BRME1: variants seen among roughly 807,000 people sequenced by gnomAD.
BRME1 encodes the protein break repair meiotic recombinase recruitment factor 1, also known as BRCA2 and MEILB2-associating protein 1.
A neutral mutation model predicts 52.6 loss-of-function variants in BRME1; 31 were observed. The ratio of observed to expected loss-of-function variants is 0.59; its 90% CI spans 0.44 to 0.80. The LOEUF (loss-of-function observed/expected upper bound fraction) is 0.80, where lower values mean the gene tolerates loss of function less well. Among genes scored for constraint, BRME1 ranks in the 30% least tolerant of loss-of-function variants. BRME1 has a pLI of 0.00. For missense variants in BRME1, 804 were observed against 860.3 expected (o/e 0.93, Z 0.82); for synonymous variants, 359 against 353.6 (o/e 1.02, Z -0.17).
At chr19:13,904,578 A>G (rs2145253165) in intron 2 of BRME1, among the ~76,000 whole-genome samples, 1 of 151,958 alleles carries the variant, frequency 6.6e-6, no homozygotes, top group Non-Finnish European at 1.5e-5. Context: ...AGTAGGTGGG[A>G]CTACAGGCAT....
chr19:13,887,297 C>T (rs1568373779), intron 6 of BRME1, among the ~76,000 whole-genome samples: 1 of 152,230 alleles, frequency 6.6e-6, no homozygotes, highest in Non-Finnish European at 1.5e-5. Context: ...TGTTCCTTGC[C>T]TGGGTCGCCT....
chr19:13,885,569 G>C (rs921414484), intron 7 of BRME1: 13 of 169,466 alleles, frequency 7.7e-5, no homozygotes, highest in Non-Finnish European at 2.5e-5. Context: ...CCTGGTGCCA[G>C]AGCTAGGAAC....
At chr19:13,901,105 C>T (rs914758399) in intron 2 of BRME1, among the ~76,000 whole-genome samples, 2 of 151,936 alleles carry the variant, frequency 1.3e-5, no homozygotes, top group African/African-American at 4.8e-5. Context: ...CCCAAGTAGC[C>T]AGGACTACAG....
chr19:13,889,210 T>A lies in BRME1; in HGVS notation c.1646A>T (p.Asp549Val). The A allele has an allele frequency of 6.3e-7, 1 of 1,597,288 alleles. No individual in the cohort carries two copies. The highest frequency in any genetic ancestry group is 8.5e-7 in the Non-Finnish European group (1 of 1,170,744). ...CACCTGCTCAGGTGGGGCTTCGAAGTCAGAGGCGTCCAGGGCATCCTGTAT... is the reference window on the plus strand; with the variant it reads ...CACCTGCTCAGGTGGGGCTTCGAAGACAGAGGCGTCCAGGGCATCCTGTAT... Reference protein sequence around the residue: ...SQIQDALDASDFEAPPEQLFP... With the variant: ...SQIQDALDASVFEAPPEQLFP... Residue 549 changes from aspartate to valine, a missense_variant, in exon 6 of 9, where the codon GAC becomes GTC. By Grantham distance (152) the Asp-to-Val change is radical. This residue lies in a region of BRME1 where 552 missense variants were observed against 561.1 expected (regional missense o/e 0.98). Coordinates refer to ENST00000586783, the MANE Select transcript of BRME1 (RefSeq NM_001345843.2).
intron 3 of BRME1, among the ~76,000 whole-genome samples, chr19:13,894,665 A>G (rs1242465387): frequency 6.6e-6 from 1 of 152,082 alleles, no homozygotes; most frequent in Non-Finnish European, 1.5e-5. Flanking sequence ...CTCTTGCCTC[A>G]GCCTCCCAGT....
At chr19:13,905,042 T>C (rs1217219535) in intron 1 of BRME1, 129 bp from the exon 2 acceptor site, 1 of 696,114 alleles carries the variant, frequency 1.4e-6, no homozygotes, top group Admixed American at 2.3e-5. Flanking sequence ...AGGGGTCAGA[T>C]GGCTCCCACT....
chr19:13,882,689 C>G lies in BRME1; in HGVS notation c.*113G>C, dbSNP rs1968714436. ...TGTGTTGTCCATGGAAGACCAACTT[C>G]CGGGCAACTGAAGGGAGGTTTGTAG... On this transcript the variant is annotated 3_prime_UTR_variant, in exon 9 of 9. Coordinates refer to ENST00000586783, the MANE Select transcript of BRME1 (RefSeq NM_001345843.2). 4 of 1,421,494 alleles carry G rather than the reference C, an allele frequency of 2.8e-6. No homozygotes were observed. In the South Asian group the frequency reaches 3.8e-5, roughly 13 times the overall value. The allele number at this position is 1,421,494 out of a possible 1,614,324, so 88.1% of individuals were successfully genotyped here. A position where few individuals can be genotyped will look rare whatever the true frequency, so the allele number is the denominator to read the frequency against.
chr19:13,889,715 TG>T lies in BRME1; in HGVS notation c.1140del (p.His380GlnfsTer33), dbSNP rs1336884513. ...GAGGTGCAGCCTGGCAAGGCCCTCC[TG>T]TGGCCTCCATCAGCGGCCTTCCTCC... ...SPRRKAADGG[H>X]RRALPGCTSL... On this transcript the variant is annotated frameshift_variant, in exon 6 of 9. Transcript: ENST00000586783. LOFTEE classifies it high-confidence loss of function. 8.7e-6 allele frequency: 14 copies of T among 1,608,900 alleles called. No homozygotes were observed. In the Admixed American group the frequency reaches 2.2e-4, roughly 25 times the overall value.
At position 13,891,135 on chromosome 19, in the gene BRME1, T is replaced by TTTTTTTTTTTTATTATTATTA. The variant is rs59151567; in HGVS notation, c.394-674_394-673insTAATAATAATAAAAAAAAAAA. 4.9e-3 allele frequency among the ~76,000 whole-genome samples: 715 copies of TTTTTTTTTTTTATTATTATTA among 146,650 alleles called. 8 individuals carry two copies. The highest frequency in any genetic ancestry group is 0.017 in the African/African-American group (659 of 38,810). On this transcript the variant is annotated intron_variant, in intron 5 of 8. Coordinates refer to ENST00000586783, the MANE Select transcript of BRME1 (RefSeq NM_001345843.2). ...AGACCACACCAATGTCAATTTCCTG[T>TTTTTTTTTTTTATTATTATTA]TTATTATTATTATTATTATTATTAT... is the stretch of plus-strand genomic sequence containing the variant.
rs1245399212 is a variant in BRME1, at chr19:13,888,440, G to C, written c.1668+748C>G. ...TGGACAGAGAACTGCCTACCTCCCT[G>C]GGCGTGACTGTGATGCCCTCAGCCC... On this transcript the variant is annotated intron_variant, in intron 6 of 8. Coordinates refer to ENST00000586783, the MANE Select transcript of BRME1 (RefSeq NM_001345843.2). This position sits in a 1 kb window ranked among gnomAD's most constrained non-coding sequence, Gnocchi z 4.1. 6.6e-6 allele frequency: 1 copy of C among 152,228 alleles called. No individual in the cohort carries two copies. Among genetic ancestry groups the C allele is most frequent in the African/African-American group, 2.4e-5 (1 of 41,436 alleles). The allele number at this position is 152,228 out of a possible 1,614,324, so 9.4% of individuals were successfully genotyped here.
rs757296683 is a variant in BRME1 at position 13,889,749 on chromosome 19, G to A, written c.1107C>T (p.Ala369=). 32 of 1,609,816 alleles carry A rather than the reference G, an allele frequency of 2.0e-5. No individual in the cohort carries two copies. The highest frequency in any genetic ancestry group is 2.5e-5 in the Non-Finnish European group (30 of 1,178,890). Residue 369 remains alanine (A), a synonymous_variant, in exon 6 of 9, where the codon GCC becomes GCT. Coordinates refer to ENST00000586783, the MANE Select transcript of BRME1 (RefSeq NM_001345843.2). ...CATCAGCGGCCTTCCTCCTGGGAGA[G>A]GCAGGTGATATGGCACTGGCCTGCC... ...PDGQASAISP[A]SPRRKAADGG...
At position 13,892,790 on chromosome 19, in the gene BRME1, C is replaced by A. The variant is rs1484113992; in HGVS notation, c.389G>T (p.Ser130Ile). 8 of 1,613,502 alleles carry A rather than the reference C, an allele frequency of 5.0e-6. No homozygotes were observed. The highest frequency in any genetic ancestry group is 6.8e-6 in the Non-Finnish European group (8 of 1,179,558). The change falls in exon 5 of 9, where the codon AGC becomes ATC. Residue 130 changes from serine to isoleucine, a missense_variant. By Grantham distance (142) the Ser-to-Ile change is moderately radical (BLOSUM62 -2). Around this residue, in one of 3 missense-constraint regions of BRME1, gnomAD observed 234 missense variants for 258.1 expected, o/e 0.91. Coordinates refer to ENST00000586783, the MANE Select transcript of BRME1 (RefSeq NM_001345843.2). ...TGGCTGATTTTAGAGCCTTACCAGG[C>A]TAAAGGCCCCACTCCCACGGTCCTC... ...KDEDRGSGAF[S>I]LETIAESSAQ...
intron 6 of BRME1, among the ~76,000 whole-genome samples, chr19:13,887,979 C>T (rs528364493): frequency 1.3e-5 from 2 of 152,220 alleles, no homozygotes; most frequent in East Asian, 3.9e-4. Context: ...GGCTGGAGTG[C>T]AGTGGCGCGA....
At chr19:13,884,394 G>A (rs1968849362) in intron 7 of BRME1, among the ~76,000 whole-genome samples, 1 of 151,872 alleles carries the variant, frequency 6.6e-6, no homozygotes, top group Non-Finnish European at 1.5e-5. Flanking sequence ...GTGAGGCTGA[G>A]GCAGGTGGAT....
chr19:13,899,910 G>A (rs1447069702), intron 2 of BRME1, among the ~76,000 whole-genome samples: 1 of 152,134 alleles, frequency 6.6e-6, no homozygotes, highest in Admixed American at 6.6e-5. Flanking sequence ...GCTGAGGCAG[G>A]AGAATCACTT....
chr19:13,897,709 A>C (rs8112417), intron 2 of BRME1, among the ~76,000 whole-genome samples: 1,570 of 152,056 alleles, frequency 0.01, 27 homozygotes, highest in African/African-American at 0.036. Context: ...AAAAAGTACG[A>C]AAATTAGCCA....
Position 13,889,552 on chromosome 19 carries a change from G to C in BRME1, c.1304C>G (p.Ser435Cys), listed in dbSNP as rs1345080621. The C allele has an allele frequency of 4.3e-6, 7 of 1,613,712 alleles. 1 individual carries two copies. The South Asian group carries it at 7.7e-5, about 18-fold the overall frequency. ...ACCTGTGTCCGGGGATGCATGACCG[G>C]AATCTCCAGCACCCATCATGGACTC... Reference protein sequence around the residue: ...SGESMMGAGDSGHASPDTGPC... With the variant: ...SGESMMGAGDCGHASPDTGPC... Residue 435 changes from serine (S) to cysteine (C), a missense_variant, in exon 6 of 9, where the codon TCC (serine) becomes TGC (cysteine). Around this residue, in one of 3 missense-constraint regions of BRME1, gnomAD observed 552 missense variants for 561.1 expected, o/e 0.98. Coordinates refer to ENST00000586783, the MANE Select transcript of BRME1 (RefSeq NM_001345843.2).
Position 13,893,411 on chromosome 19 carries a change from G to A in BRME1, c.207-188C>T, listed in dbSNP as rs144161665. ...AAATTAGCTGGATGTGGTGGCGCAC[G>A]CCTGTAATCCCAGCTACTTGGGAGG... On this transcript the variant is annotated intron_variant, in intron 3 of 8. Transcript: ENST00000586783. Among the ~76,000 whole-genome samples, 595 of 152,276 alleles carry A rather than the reference G, an allele frequency of 3.9e-3. 3 individuals are homozygous for A. The highest frequency in any genetic ancestry group is 0.014 in the African/African-American group (568 of 41,556).
chr19:13,898,488 T>C (rs1034160369), intron 2 of BRME1, among the ~76,000 whole-genome samples: 1 of 152,026 alleles, frequency 6.6e-6, no homozygotes, highest in Non-Finnish European at 1.5e-5. Flanking sequence ...CATGCACCTG[T>C]AGTCTCAGCT....
Sources: gnomAD v4.1 joint callset for allele counts (sites outside exome capture counted in the v4.1 genomes callset) on GRCh38, gnomAD v4.1.1 for gene constraint, gnomAD v4.1.1 regional missense constraint, Gnocchi (gnomAD v3.1) non-coding constraint, MANE v1.5 for transcripts, NCBI Gene and HGNC (gene_info 2026-07-23, HGNC 2026-07-21) for gene names.